Variants in ZSCAN4 observed in about 807,000 individuals in gnomAD.
ZSCAN4 encodes zinc finger and SCAN domain-containing protein 4.
Under a neutral mutation model 18.3 loss-of-function variants are expected in ZSCAN4, and 18 were observed. The ratio of observed to expected loss-of-function variants is 0.98; its 90% CI spans 0.68 to 1.46. The LOEUF (loss-of-function observed/expected upper bound fraction) is 1.46, where lower values mean the gene tolerates loss of function less well. ZSCAN4 is among the 40% of genes most tolerant of loss of function. The probability of loss-of-function intolerance (pLI) is 0.00; values close to 1 mark genes in which losing one functional copy is unlikely to be tolerated. For synonymous variants in ZSCAN4, 193 were observed against 180.3 expected (o/e 1.07, Z -0.57); for missense variants, 498 against 511.4 (o/e 0.97, Z 0.25).
At chr19:57,658,556 G>A in the ZSCAN4 span, among the ~76,000 whole-genome samples, 8 of 152,204 alleles carry the variant, frequency 5.3e-5, no homozygotes, top group South Asian at 2.1e-4. Flanking sequence ...ACTTCCTGCC[G>A]GGTGCAGTGG....
intron 2 of ZSCAN4, among the ~76,000 whole-genome samples, chr19:57,671,198 T>A (rs1050705730): frequency 6.6e-6 from 1 of 152,212 alleles, no homozygotes; most frequent in Admixed American, 6.5e-5. Context: ...ATGAAATATG[T>A]AGCTGGGTGT....
upstream of ZSCAN4, among the ~76,000 whole-genome samples, chr19:57,668,100 C>A (rs1475765278): frequency 6.6e-6 from 1 of 152,004 alleles, no homozygotes; most frequent in Admixed American, 6.6e-5. Context: ...GACGAGGTTT[C>A]ATCATGTTGG....
chr19:57,659,099 G>A, the ZSCAN4 span, among the ~76,000 whole-genome samples: 7 of 152,026 alleles, frequency 4.6e-5, no homozygotes, highest in East Asian at 3.9e-4. Flanking sequence ...TAAGTTCCTC[G>A]CCCCCTTAAA....
chr19:57,652,610 C>T, the ZSCAN4 span, among the ~76,000 whole-genome samples: 2 of 152,088 alleles, frequency 1.3e-5, no homozygotes, highest in Admixed American at 6.6e-5. Flanking sequence ...TCTGGCTCCT[C>T]CACCCCCTTA....
the ZSCAN4 span, among the ~76,000 whole-genome samples, chr19:57,657,424 G>T: frequency 3.3e-5 from 5 of 152,090 alleles, no homozygotes; most frequent in South Asian, 6.2e-4. Context: ...ACCACAATGA[G>T]ATACCACTAC....
exon 5 of ZSCAN4, chr19:57,678,570 T>C (rs765281850): frequency 3.1e-6 from 5 of 1,614,086 alleles, no homozygotes; most frequent in South Asian, 2.2e-5. Context: ...GGTCTTTAAG[T>C]ATCTCTGTCA....
chr19:57,669,429 T>G (rs1983950775), intron 1 of ZSCAN4, among the ~76,000 whole-genome samples: 1 of 36,760 alleles, frequency 2.7e-5, no homozygotes, highest in Non-Finnish European at 7.7e-5. Flanking sequence ...TGTGTGTGTT[T>G]GTTTGTTTGT....
At chr19:57,676,692 T>A (rs761651897) in intron 3 of ZSCAN4, 151 bp downstream of exon 3, 13 of 971,608 alleles carry the variant, frequency 1.3e-5, no homozygotes, top group Non-Finnish European at 1.9e-5. Context: ...CAAAGAATAA[T>A]CTTCAATGTC....
In ZSCAN4 at chr19:57,675,686, C is replaced by A. The variant is rs558394859; in HGVS notation, c.-105-355C>A. 2.6e-5 allele frequency among the ~76,000 whole-genome samples: 4 copies of A among 152,228 alleles called. No homozygotes were observed. The South Asian group carries it at 8.3e-4, about 32-fold the overall frequency. On this transcript the variant is annotated intron_variant, in intron 2 of 4. Transcript: ENST00000318203. ...TTCATTGAGATGATTTTATTATGTT[C>A]TTGTATCCATATCCCGTTAACGAAG...
the ZSCAN4 span, among the ~76,000 whole-genome samples, chr19:57,656,498 A>C: frequency 6.6e-6 from 1 of 152,150 alleles, no homozygotes. Context: ...CCACCATGAC[A>C]ACCAACCTTG....
upstream of ZSCAN4, chr19:57,664,487 G>T (rs12978692): frequency 0.39 from 59,886 of 152,000 alleles, 12,460 homozygotes; most frequent in African/African-American, 0.53. Flanking sequence ...GCGGTCGTGC[G>T]GCCGTGGAGG....
At chr19:57,665,132 G>A (rs898501325), upstream of ZSCAN4, 1 of 152,898 alleles carries the variant, frequency 6.5e-6, no homozygotes, top group Non-Finnish European at 1.5e-5. Context: ...GCTGCTGGCT[G>A]GAAGCATAGG....
the ZSCAN4 span, among the ~76,000 whole-genome samples, chr19:57,661,843 A>T: frequency 6.6e-6 from 1 of 152,184 alleles, no homozygotes; most frequent in Non-Finnish European, 1.5e-5. Flanking sequence ...GCACTTTGGG[A>T]GGCTGAGGTG....
chr19:57,678,300 G>A (rs767049218), exon 5 of ZSCAN4: 8 of 1,614,024 alleles, frequency 5.0e-6, no homozygotes, highest in South Asian at 1.1e-5. Flanking sequence ...GCCTGAAGAG[G>A]GAGGTGTTTC....
At chr19:57,654,771 C>T in the ZSCAN4 span, among the ~76,000 whole-genome samples, 12 of 152,150 alleles carry the variant, frequency 7.9e-5, no homozygotes, top group Non-Finnish European at 1.5e-5. Flanking sequence ...TTGGATCCAG[C>T]CTCCCAAAGC....
At chr19:57,651,576 C>A in the ZSCAN4 span, among the ~76,000 whole-genome samples, 1 of 152,220 alleles carries the variant, frequency 6.6e-6, no homozygotes, top group Non-Finnish European at 1.5e-5. Flanking sequence ...CGTCTACAGG[C>A]CTTTGTTCAA....
At chr19:57,677,864 T>A in intron 3 of ZSCAN4, 50 bp from the exon 4 acceptor site, 1 of 1,474,082 alleles carries the variant, frequency 6.8e-7, no homozygotes, top group Non-Finnish European at 9.0e-7. Flanking sequence ...CAAAAAGTCT[T>A]CTGTTACACA....
exon 5 of ZSCAN4, chr19:57,678,616 G>A: frequency 6.2e-7 from 1 of 1,614,036 alleles, no homozygotes; most frequent in Non-Finnish European, 8.5e-7. Context: ...AGGAATGAGA[G>A]GCCATTTGTT....
In ZSCAN4 at chr19:57,676,274, A is replaced by G. The variant is rs200501758; in HGVS notation, c.129A>G (p.Ser43=). Residue 43 remains serine (S), a synonymous_variant, in exon 3 of 5, where the codon TCA becomes TCG. Coordinates refer to ENST00000318203, the Ensembl canonical transcript of ZSCAN4. ...GAGAAGAAGGGATTTCTGAGTTCTCAAGAATGGTGCTCAATTCATTTCAAG... is the reference window on the plus strand; with the variant it reads ...GAGAAGAAGGGATTTCTGAGTTCTCGAGAATGGTGCTCAATTCATTTCAAG... 80 of 1,614,216 alleles carry G rather than the reference A, an allele frequency of 5.0e-5. 1 individual carries two copies. The East Asian group carries it at 8.2e-4, about 17-fold the overall frequency.
Sources: allele counts gnomAD v4.1 joint callset (sites outside exome capture counted in the v4.1 genomes callset), GRCh38; gene constraint gnomAD v4.1.1; transcripts MANE v1.5; gene names NCBI Gene and HGNC (gene_info 2026-07-23, HGNC 2026-07-21).